The following SDK1 variants were observed in gnomAD, a reference collection of about 807,000 sequenced individuals.
SDK1 encodes the protein protein sidekick-1.
Under a neutral mutation model 245.5 loss-of-function variants are expected in SDK1, and 157 were observed. That is an observed-to-expected ratio of 0.64 (90% confidence interval 0.56 to 0.73). SDK1 has a LOEUF of 0.73. Ranked by LOEUF, SDK1 falls within the 30% of genes least tolerant of loss-of-function variation. SDK1 has a pLI of 0.00. For missense variants in SDK1, 3,583 were observed against 3,002.3 expected (o/e 1.19, Z -4.52); for synonymous variants, 1,647 against 1,278.5 (o/e 1.29, Z -6.15).
chr7:3,863,961 C>T (rs1442334444), intron 5 of SDK1, among the ~76,000 whole-genome samples: 1 of 152,132 alleles, frequency 6.6e-6, no homozygotes, highest in Admixed American at 6.5e-5. Context: ...AGTGGAATTG[C>T]TGGGTTGCAT....
At chr7:3,454,496 A>G (rs1411126062) in intron 1 of SDK1, among the ~76,000 whole-genome samples, 2 of 151,816 alleles carry the variant, frequency 1.3e-5, no homozygotes, top group African/African-American at 4.8e-5. Flanking sequence ...GATACAAAAT[A>G]GTTGCATTAC....
intron 14 of SDK1, among the ~76,000 whole-genome samples, chr7:4,003,876 T>C (rs965361593): frequency 2.6e-5 from 4 of 152,232 alleles, no homozygotes; most frequent in Non-Finnish European, 4.4e-5. Flanking sequence ...TAGCTCCATG[T>C]TGGGGGCCCT....
At chr7:3,705,988 T>C (rs1176410308) in intron 4 of SDK1, among the ~76,000 whole-genome samples, 1 of 152,196 alleles carries the variant, frequency 6.6e-6, no homozygotes, top group Non-Finnish European at 1.5e-5. Context: ...GGATGCTAGA[T>C]TTTATCGAAT....
intron 1 of SDK1, chr7:3,338,391 G>A: frequency 3.8e-6 from 2 of 529,120 alleles, no homozygotes; most frequent in Non-Finnish European, 3.6e-6. Context: ...GAGAACTAAT[G>A]TGCGTGTTGA....
chr7:3,488,625 C>G (rs913093690), intron 1 of SDK1, among the ~76,000 whole-genome samples: 1 of 152,150 alleles, frequency 6.6e-6, no homozygotes, highest in Non-Finnish European at 1.5e-5. Context: ...AGCTAGGATG[C>G]TTTCAGCTTC....
intron 5 of SDK1, among the ~76,000 whole-genome samples, chr7:3,837,782 CTTT>C (rs1246474270): frequency 3.9e-5 from 6 of 152,002 alleles, no homozygotes; most frequent in African/African-American, 1.5e-4. Context: ...TTAATTTAAA[CTTT>C]TTTATTTTGG....
chr7:3,446,206 G>A (rs1159760690), intron 1 of SDK1, among the ~76,000 whole-genome samples: 1 of 151,996 alleles, frequency 6.6e-6, no homozygotes, highest in Non-Finnish European at 1.5e-5. Context: ...AATTCAAGCA[G>A]CTACTATGTG....
At chr7:3,377,383 C>A (rs1229852211) in intron 1 of SDK1, among the ~76,000 whole-genome samples, 2 of 152,158 alleles carry the variant, frequency 1.3e-5, no homozygotes, top group African/African-American at 4.8e-5. Flanking sequence ...GACATTCCAG[C>A]TGCCCCCTGC....
At chr7:3,661,571 T>C (rs942517457) in intron 4 of SDK1, among the ~76,000 whole-genome samples, 4 of 152,222 alleles carry the variant, frequency 2.6e-5, no homozygotes, top group Non-Finnish European at 4.4e-5. Flanking sequence ...GTGGCTATCA[T>C]TGAATTTTTG....
At chr7:3,512,121 T>C (rs1782600779) in intron 1 of SDK1, among the ~76,000 whole-genome samples, 2 of 152,064 alleles carry the variant, frequency 1.3e-5, no homozygotes, top group South Asian at 2.1e-4. Context: ...TGCATAGTTA[T>C]CTCTTCCCTC....
At chr7:3,694,917 G>C (rs762026041) in intron 4 of SDK1, among the ~76,000 whole-genome samples, 1 of 152,116 alleles carries the variant, frequency 6.6e-6, no homozygotes, top group Non-Finnish European at 1.5e-5. Flanking sequence ...ACATTTCCTA[G>C]AATAGGCATT....
chr7:3,308,182 C>T (rs1474450854), intron 1 of SDK1, among the ~76,000 whole-genome samples: 1 of 152,064 alleles, frequency 6.6e-6, no homozygotes, highest in East Asian at 1.9e-4. Context: ...AATAAATTTT[C>T]TTAAAATGTG....
chr7:3,474,991 C>G (rs1400321388), intron 1 of SDK1, among the ~76,000 whole-genome samples: 1 of 152,220 alleles, frequency 6.6e-6, no homozygotes, highest in African/African-American at 2.4e-5. Flanking sequence ...GTGTCCAGCC[C>G]TGACCCATTG....
At chr7:4,119,447 C>G (rs947587732) in intron 25 of SDK1, among the ~76,000 whole-genome samples, 1 of 147,718 alleles carries the variant, frequency 6.8e-6, no homozygotes, top group Non-Finnish European at 1.5e-5. Flanking sequence ...AGAGCAAGAC[C>G]CTGTCTCTAA....
At chr7:4,108,814 T>C (rs200183456) in intron 22 of SDK1, among the ~76,000 whole-genome samples, 1 of 152,130 alleles carries the variant, frequency 6.6e-6, no homozygotes, top group Non-Finnish European at 1.5e-5. Context: ...TCATACCCAA[T>C]AGCAGTCACT....
At chr7:3,824,200 C>T (rs959810127) in intron 5 of SDK1, among the ~76,000 whole-genome samples, 9 of 152,048 alleles carry the variant, frequency 5.9e-5, no homozygotes, top group African/African-American at 2.2e-4. Flanking sequence ...ATTCTCAAGA[C>T]CTATTGATAC....
intron 1 of SDK1, among the ~76,000 whole-genome samples, chr7:3,378,412 T>G (rs1188505941): frequency 6.6e-6 from 1 of 152,202 alleles, no homozygotes. Flanking sequence ...TGTTCTTTTT[T>G]CTGTGGGTGT....
intron 1 of SDK1, among the ~76,000 whole-genome samples, chr7:3,555,563 A>G (rs572968362): frequency 6.6e-6 from 1 of 152,328 alleles, no homozygotes; most frequent in East Asian, 1.9e-4. Context: ...CAAAGCAAAA[A>G]TGGACAAATG....
At chr7:3,687,085 A>ACACG (rs1784307726) in intron 4 of SDK1, among the ~76,000 whole-genome samples, 1 of 151,650 alleles carries the variant, frequency 6.6e-6, no homozygotes, top group Non-Finnish European at 1.5e-5. Context: ...ACACACACAC[A>ACACG]CACACACACA....
Sources: gnomAD v4.1 joint callset for allele counts (sites outside exome capture counted in the v4.1 genomes callset) on GRCh38, gnomAD v4.1.1 for gene constraint, MANE v1.5 for transcripts, NCBI Gene and HGNC (gene_info 2026-07-23, HGNC 2026-07-21) for gene names.